The following ANK1 variants were observed in gnomAD, a reference collection of about 807,000 sequenced individuals.
The protein encoded by ANK1 is ankyrin-1.
A neutral mutation model predicts 210.4 loss-of-function variants in ANK1; 51 were observed. The observed-to-expected ratio is 0.24, with a 90% CI of 0.19 to 0.31. The LOEUF (loss-of-function observed/expected upper bound fraction) is 0.31, where lower values mean the gene tolerates loss of function less well. ANK1 is among the 10% of genes least tolerant of loss of function. ANK1 has a pLI of 1.00. For synonymous variants in ANK1, 967 were observed against 1,025.9 expected (o/e 0.94, Z 1.10); for missense variants, 2,051 against 2,504.4 (o/e 0.82, Z 3.86).
rs536902194 is a variant in ANK1 at position 41,771,706 on chromosome 8, C to T, written c.28-13569G>A. 5.9e-5 allele frequency among the ~76,000 whole-genome samples: 9 copies of T among 152,252 alleles called. No homozygotes were observed. In the South Asian group the frequency reaches 1.0e-3, roughly 18 times the overall value. ...AAGCATAATGAAAAGCTGGAGGCCT[C>T]GCCTGTGGGGTTCTGTCCTCTGGGC... On this transcript the variant is annotated intron_variant, in intron 1 of 42. Coordinates refer to ENST00000289734, the MANE Select transcript of ANK1 (RefSeq NM_000037.4).
At chr8:41,725,578 T>G (rs1830470757) in intron 6 of ANK1, among the ~76,000 whole-genome samples, 183 bp downstream of exon 6, 1 of 152,204 alleles carries the variant, frequency 6.6e-6, no homozygotes, top group African/African-American at 2.4e-5. Flanking sequence ...TCTGGGCATC[T>G]GCCAGGGATT....
At chr8:41,729,721 C>G (rs981412888) in intron 3 of ANK1, among the ~76,000 whole-genome samples, 3 of 152,228 alleles carry the variant, frequency 2.0e-5, no homozygotes, top group African/African-American at 7.2e-5. Flanking sequence ...AACAACAATT[C>G]ACAGACAGGA....
chr8:41,699,562 A>G lies in ANK1; in HGVS notation c.2462-14T>C. ...TGAGTTCTTCCCCTGAAACAGCAAGAGCTCAAGTGAGCGACGGGGTAGAGG... is the reference window on the plus strand; with the variant it reads ...TGAGTTCTTCCCCTGAAACAGCAAGGGCTCAAGTGAGCGACGGGGTAGAGG... On this transcript the variant is annotated splice_polypyrimidine_tract_variant and intron_variant, in intron 22 of 42. Transcript: ENST00000289734. 1.2e-6 allele frequency: 2 copies of G among 1,611,328 alleles called. No individual in the cohort carries two copies. The highest frequency in any genetic ancestry group is 8.5e-7 in the Non-Finnish European group (1 of 1,177,590).
At chr8:41,825,448 C>A (rs1210539025) in intron 1 of ANK1, among the ~76,000 whole-genome samples, 1 of 152,170 alleles carries the variant, frequency 6.6e-6, no homozygotes, top group Non-Finnish European at 1.5e-5. Context: ...CCTCCCATGT[C>A]CACCGTACAG....
At chr8:41,740,043 A>T (rs1834374630) in intron 2 of ANK1, among the ~76,000 whole-genome samples, 1 of 150,874 alleles carries the variant, frequency 6.6e-6, no homozygotes, top group African/African-American at 2.4e-5. Flanking sequence ...ATGTTTAGCA[A>T]TCCTTCCCCC....
rs146518198 is a variant in ANK1, at chr8:41,696,688, G to C, written c.2723C>G (p.Pro908Arg). 6.2e-7 allele frequency: 1 copy of C among 1,603,878 alleles called. No homozygotes were observed. The highest frequency in any genetic ancestry group is 8.5e-7 in the Non-Finnish European group (1 of 1,179,912). Residue 908 changes from proline to arginine, a missense_variant, in exon 25 of 43, where the codon CCG becomes CGG. Pro to Arg is a moderately radical substitution (Grantham distance 103). Around this residue, in one of 6 missense-constraint regions of ANK1, gnomAD observed 1,413 missense variants for 1,707.4 expected, o/e 0.83. Transcript: ENST00000289734. The part of the protein sequence containing the change: ...TSDNISPVAS[P>R]VHTGFLVSFM... ...GCCCGCCACTCACCCTGTATGCACC[G>C]GGCTGGCCACCGGGCTGATGTTGTC... is the stretch of plus-strand genomic sequence containing the variant.
chr8:41,816,343 T>TA (rs1803330744), intron 1 of ANK1, among the ~76,000 whole-genome samples: 1 of 152,234 alleles, frequency 6.6e-6, no homozygotes, highest in African/African-American at 2.4e-5. Context: ...CCCATAGTCT[T>TA]ACGATTTTAA....
rs935026681 is a variant in ANK1 at position 41,653,773 on chromosome 8, G to A, written c.*2017C>T. On this transcript the variant is annotated 3_prime_UTR_variant, in exon 43 of 43. Coordinates refer to ENST00000289734, the MANE Select transcript of ANK1 (RefSeq NM_000037.4). ...AGGCCGGGCCGGGGTGGCCTCTGGC[G>A]GAGACGGCAGCCGTCCGGGCTCGCC... is the stretch of plus-strand genomic sequence containing the variant. 3.3e-5 allele frequency: 5 copies of A among 152,214 alleles called. No homozygotes were observed. Among genetic ancestry groups the A allele is most frequent in the African/African-American group, 9.7e-5 (4 of 41,428 alleles). The allele number at this position is 152,214 out of a possible 1,614,324, so 9.4% of individuals were successfully genotyped here. A position where few individuals can be genotyped will look rare whatever the true frequency, so the allele number is the denominator to read the frequency against.
At chr8:41,716,164 T>G (rs11994013) in intron 13 of ANK1, among the ~76,000 whole-genome samples, 94,642 of 151,968 alleles carry the variant, frequency 0.62, 29,890 homozygotes, top group African/African-American at 0.7. Flanking sequence ...GGGATCAAGC[T>G]GATAATGTAC....
intron 1 of ANK1, among the ~76,000 whole-genome samples, chr8:41,791,194 GTTTTTTTT>G (rs71239082): frequency 4.3e-5 from 3 of 70,120 alleles, no homozygotes; most frequent in African/African-American, 1.7e-4. Context: ...TACTAACTTT[GTTTTTTTT>G]TTTTTTTTTT....
rs968920267 is a variant in ANK1 at position 41,704,861 on chromosome 8, T to C, written c.2098-389A>G. ...ACCTTGAGAGACCAGCATCACAGAA[T>C]CCCAGGGGAGCTATTTCAAGAAGGA... On this transcript the variant is annotated intron_variant, in intron 18 of 42. Transcript: ENST00000289734. This position sits in a 1 kb window ranked among gnomAD's most constrained non-coding sequence, Gnocchi z 4.1. Among the ~76,000 whole-genome samples the C allele has an allele frequency of 1.3e-5, 2 of 151,884 alleles. No individual in the cohort carries two copies. The highest frequency in any genetic ancestry group is 4.8e-5 in the African/African-American group (2 of 41,300).
chr8:41,814,212 T>C (rs1243177796), intron 1 of ANK1, among the ~76,000 whole-genome samples: 2 of 151,878 alleles, frequency 1.3e-5, no homozygotes, highest in African/African-American at 4.8e-5. Context: ...ATACAAAAAT[T>C]AGCCGGGCGT....
intron 31 of ANK1, among the ~76,000 whole-genome samples, chr8:41,692,186 A>G (rs1162335439): frequency 1.3e-5 from 2 of 152,076 alleles, no homozygotes; most frequent in Non-Finnish European, 2.9e-5. Flanking sequence ...CCACCCGAGT[A>G]GCTGGGATTA....
intron 1 of ANK1, among the ~76,000 whole-genome samples, chr8:41,803,035 A>AAGAAAGAAAGAAAGAG (rs1394842416): frequency 1.6e-4 from 14 of 87,136 alleles, no homozygotes; most frequent in Non-Finnish European, 2.4e-4. Context: ...GAAAGAAAGA[A>AAGAAAGAAAGAAAGAG]AGAAAGAGAA....
chr8:41,773,765 C>T (rs1054743159), intron 1 of ANK1, among the ~76,000 whole-genome samples: 39 of 152,290 alleles, frequency 2.6e-4, no homozygotes, highest in African/African-American at 8.9e-4. Flanking sequence ...AGCCGAGAAT[C>T]TACAACAGGA....
At chr8:41,700,540 C>G in intron 22 of ANK1, 1 of 1,374,056 alleles carries the variant, frequency 7.3e-7, no homozygotes, top group South Asian at 1.2e-5. Flanking sequence ...AAAGGAGCAC[C>G]AGAAGCTCTG....
rs529853080 is a variant in ANK1 at position 41,690,663 on chromosome 8, C to T, written c.3859-64G>A. 115 of 1,581,630 alleles carry T rather than the reference C, an allele frequency of 7.3e-5. 3 individuals are homozygous for T. In the South Asian group the frequency reaches 1.2e-3, roughly 16 times the overall value. ...AGAAGGGCCCAGATGTCCCTCCTTCCACCTTCGGTCCTTCCCTCTCCAAGA... is the reference window on the plus strand; with the variant it reads ...AGAAGGGCCCAGATGTCCCTCCTTCTACCTTCGGTCCTTCCCTCTCCAAGA... On this transcript the variant is annotated intron_variant, in intron 31 of 42. Transcript: ENST00000289734.
intron 1 of ANK1, among the ~76,000 whole-genome samples, chr8:41,834,628 G>A (rs772729758): frequency 3.3e-5 from 5 of 152,224 alleles, no homozygotes; most frequent in Non-Finnish European, 5.9e-5. Flanking sequence ...TCAGGGTCCG[G>A]AGCTGGCCTT....
intron 1 of ANK1, among the ~76,000 whole-genome samples, chr8:41,762,012 T>C (rs1178241860): frequency 1.3e-5 from 2 of 152,150 alleles, no homozygotes; most frequent in African/African-American, 4.8e-5. Context: ...AATCCTGACT[T>C]CCTGCCAGCC....
Sources: gnomAD v4.1 joint callset for allele counts (sites outside exome capture counted in the v4.1 genomes callset) on GRCh38, gnomAD v4.1.1 for gene constraint, gnomAD v4.1.1 regional missense constraint, Gnocchi (gnomAD v3.1) non-coding constraint, MANE v1.5 for transcripts, NCBI Gene and HGNC (gene_info 2026-07-23, HGNC 2026-07-21) for gene names.